MRPL1: variants seen among roughly 807,000 people sequenced by gnomAD.
The protein encoded by MRPL1 is mitochondrial ribosomal protein L1.
MRPL1 carries 28 observed loss-of-function variants against 38.0 expected under a neutral mutation model. The ratio of observed to expected loss-of-function variants is 0.74; its 90% CI spans 0.55 to 1.01. The LOEUF is 1.01. MRPL1 is among the 50% of genes least tolerant of loss of function. MRPL1 has a pLI of 0.00. For synonymous variants in MRPL1, 123 were observed against 126.7 expected, an observed-to-expected ratio of 0.97 and a Z score of 0.20; for missense variants, 358 against 389.8, an observed-to-expected ratio of 0.92 and a Z score of 0.69.
chr4:77,932,564 G>T (rs1736872452), intron 7 of MRPL1, among the ~76,000 whole-genome samples: 1 of 151,900 alleles, frequency 6.6e-6, no homozygotes, highest in Non-Finnish European at 1.5e-5. Context: ...TGTGAAGGAG[G>T]GTTTTCCACA....
intron 1 of MRPL1, among the ~76,000 whole-genome samples, chr4:77,871,453 T>C (rs1265253133): frequency 1.3e-5 from 2 of 152,026 alleles, no homozygotes; most frequent in Non-Finnish European, 2.9e-5. Flanking sequence ...TACAGGTTCG[T>C]GCCACCATGC....
intron 4 of MRPL1, among the ~76,000 whole-genome samples, chr4:77,886,354 G>A (rs1215036988): frequency 5.9e-5 from 9 of 151,516 alleles, no homozygotes; most frequent in Non-Finnish European, 1.3e-4. Context: ...TTTTCTTTGA[G>A]ATGGAGTCTT....
intron 7 of MRPL1, among the ~76,000 whole-genome samples, chr4:77,936,049 CAT>C (rs944858259): frequency 2.0e-5 from 3 of 151,672 alleles, no homozygotes; most frequent in Non-Finnish European, 4.4e-5. Flanking sequence ...AATAAATGCA[CAT>C]AGTGAAATAT....
At chr4:77,871,886 T>G in intron 2 of MRPL1, 31 bp downstream of exon 2, 1 of 1,383,172 alleles carries the variant, frequency 7.2e-7, no homozygotes, top group Non-Finnish European at 1.0e-6. Flanking sequence ...ATTATTTCAT[T>G]TGTTGTCATT....
At chr4:77,906,578 A>G (rs944558354) in intron 6 of MRPL1, among the ~76,000 whole-genome samples, 3 of 152,176 alleles carry the variant, frequency 2.0e-5, no homozygotes, top group Non-Finnish European at 4.4e-5. Flanking sequence ...GGCTGAGCAC[A>G]GAAATGAAGA....
intron 6 of MRPL1, chr4:77,908,299 C>T: frequency 6.0e-6 from 1 of 165,292 alleles, no homozygotes; most frequent in Non-Finnish European, 1.3e-5. Context: ...GTGGCACAAT[C>T]TCAGCTCACT....
chr4:77,897,586 T>C (rs1432831175), intron 6 of MRPL1, among the ~76,000 whole-genome samples: 2 of 152,212 alleles, frequency 1.3e-5, no homozygotes, highest in African/African-American at 2.4e-5. Context: ...CCACTCGATG[T>C]CTTGTCCAAA....
intron 8 of MRPL1, among the ~76,000 whole-genome samples, chr4:77,952,214 TATTTATAGTTCAA>T (rs1197528814): frequency 6.6e-6 from 1 of 152,220 alleles, no homozygotes; most frequent in Non-Finnish European, 1.5e-5. Flanking sequence ...ATCTTAAATG[TATTTATAGTTCAA>T]ATTTATTTCA....
At chr4:77,923,218 C>G (rs1736621306) in intron 7 of MRPL1, among the ~76,000 whole-genome samples, 1 of 152,050 alleles carries the variant, frequency 6.6e-6, no homozygotes, top group Non-Finnish European at 1.5e-5. Flanking sequence ...GCCTCAGCCT[C>G]CTGGGTAGCT....
chr4:77,879,340 A>G (rs1354791103), intron 2 of MRPL1, among the ~76,000 whole-genome samples: 1 of 152,164 alleles, frequency 6.6e-6, no homozygotes, highest in Non-Finnish European at 1.5e-5. Context: ...GATCAGTATT[A>G]TAATGTTGTT....
intron 2 of MRPL1, among the ~76,000 whole-genome samples, chr4:77,876,931 GCT>G (rs1041331336): frequency 1.3e-5 from 2 of 151,700 alleles, no homozygotes; most frequent in African/African-American, 4.8e-5. Flanking sequence ...GTGGAGTTTT[GCT>G]CTTTTTGCCC....
chr4:77,869,201 A>G (rs539848674), intron 1 of MRPL1, among the ~76,000 whole-genome samples: 15 of 152,320 alleles, frequency 9.8e-5, no homozygotes, highest in African/African-American at 3.6e-4. Context: ...ACCTTTCACT[A>G]TCAATTAAAA....
At chr4:77,905,519 AAG>A (rs1736138893) in intron 6 of MRPL1, among the ~76,000 whole-genome samples, 1 of 151,066 alleles carries the variant, frequency 6.6e-6, no homozygotes, top group Non-Finnish European at 1.5e-5. Context: ...AAAAAAAAAA[AAG>A]AATATATGTA....
chr4:77,945,128 A>AATTATT (rs3056930), intron 7 of MRPL1, among the ~76,000 whole-genome samples: 4,838 of 141,022 alleles, frequency 0.034, 107 homozygotes, highest in East Asian at 0.079. Flanking sequence ...CTGCACCATC[A>AATTATT]ATTATTATTA....
intron 7 of MRPL1, among the ~76,000 whole-genome samples, chr4:77,930,493 T>C (rs1736819381): frequency 6.6e-6 from 1 of 152,224 alleles, no homozygotes; most frequent in South Asian, 2.1e-4. Context: ...ATGCTCCTTC[T>C]GGGAATCTAA....
intron 7 of MRPL1, among the ~76,000 whole-genome samples, chr4:77,929,073 C>G (rs6811736): frequency 0.77 from 116,462 of 152,152 alleles, 45,590 homozygotes; most frequent in African/African-American, 0.94. Flanking sequence ...AAACTGATCT[C>G]CTTTCCCTTG....
At chr4:77,897,718 G>A (rs1410035070) in intron 6 of MRPL1, among the ~76,000 whole-genome samples, 1 of 152,184 alleles carries the variant, frequency 6.6e-6, no homozygotes, top group Admixed American at 6.5e-5. Flanking sequence ...GTAATGTGTA[G>A]CATTTTTAAC....
chr4:77,871,788 C>T lies in MRPL1; in HGVS notation c.76C>T (p.Gln26Ter). The T allele has an allele frequency of 6.3e-7, 1 of 1,599,128 alleles. No homozygotes were observed. Among genetic ancestry groups the T allele is most frequent in the Non-Finnish European group, 8.5e-7 (1 of 1,175,526 alleles). ...GCATAGCCTTTCCAAGATGGTTTAT[C>T]AGACATCACTTTGTTCTTGTTCTGT... ...QRHSLSKMVY[Q>*]TSLCSCSVNI... The change falls in exon 2 of 9, where the codon CAG (glutamine) becomes TAG (stop). Residue 26 changes from glutamine (Q) to a stop codon, truncating the protein, a stop_gained. Transcript: ENST00000315567. LOFTEE classifies it high-confidence loss of function.
chr4:77,901,108 A>G (rs138035836), intron 6 of MRPL1, among the ~76,000 whole-genome samples: 20 of 152,320 alleles, frequency 1.3e-4, no homozygotes, highest in African/African-American at 4.6e-4. Flanking sequence ...GGGTATGACA[A>G]TAATATCACA....
Sources: allele counts gnomAD v4.1 joint callset (sites outside exome capture counted in the v4.1 genomes callset), GRCh38; gene constraint gnomAD v4.1.1; transcripts MANE v1.5; gene names NCBI Gene and HGNC (gene_info 2026-07-23, HGNC 2026-07-21).